The following HS3ST4 variants were observed in gnomAD, a reference collection of about 807,000 sequenced individuals.
HS3ST4 encodes the protein heparan sulfate-glucosamine 3-sulfotransferase 4, also known as heparan sulfate glucosamine 3-O-sulfotransferase 4.
Under a neutral mutation model 29.2 loss-of-function variants are expected in HS3ST4, and 17 were observed. The observed-to-expected ratio is 0.58, with a 90% CI of 0.40 to 0.87. The LOEUF (loss-of-function observed/expected upper bound fraction) is 0.87, where lower values mean the gene tolerates loss of function less well. Ranked by LOEUF, HS3ST4 falls within the 40% of genes least tolerant of loss-of-function variation. The pLI is 0.00. For missense variants in HS3ST4, 627 were observed against 634.5 expected (o/e 0.99, Z 0.13); for synonymous variants, 314 against 285.7 (o/e 1.10, Z -1.00).
Position 26,135,883 on chromosome 16 carries a change from T to A in HS3ST4, c.1006T>A (p.Tyr336Asn). Residue 336 changes from tyrosine (Y) to asparagine (N), a missense_variant, in exon 2 of 2, where the codon TAT (tyrosine) becomes AAT (asparagine). Physicochemically the swap from Tyr to Asn is moderately radical, Grantham distance 143. This residue lies in a region of HS3ST4 where 225 missense variants were observed against 293.7 expected (regional missense o/e 0.77). Coordinates refer to ENST00000331351, the MANE Select transcript of HS3ST4 (RefSeq NM_006040.3). ...CTGGAGTGCCATTCGAATAGGGATC[T>A]ATGCGCTGCATCTGGAAAACTGGCT... ...ASWSAIRIGI[Y>N]ALHLENWLQY... The A allele has an allele frequency of 6.2e-7, 1 of 1,614,026 alleles. No individual in the cohort carries two copies. The highest frequency in any genetic ancestry group is 8.5e-7 in the Non-Finnish European group (1 of 1,179,876).
At chr16:25,761,663 CA>C (rs1482168676) in intron 1 of HS3ST4, among the ~76,000 whole-genome samples, 2 of 152,296 alleles carry the variant, frequency 1.3e-5, no homozygotes, top group African/African-American at 2.4e-5. Flanking sequence ...CCCTTCTAAA[CA>C]AAAGGCAGAG....
In HS3ST4 at chr16:26,120,716, G is replaced by A. The variant is rs185829449; in HGVS notation, c.735-14896G>A. On this transcript the variant is annotated intron_variant, in intron 1 of 1. Transcript: ENST00000331351. Reference sequence around the variant, plus strand: ...GCCAGGCATGATTGACCCCAGCAACGCTTTCACCAATAAAATATCAAGTGC... The same window carrying A: ...GCCAGGCATGATTGACCCCAGCAACACTTTCACCAATAAAATATCAAGTGC... 9.2e-5 allele frequency among the ~76,000 whole-genome samples: 14 copies of A among 152,298 alleles called. No individual in the cohort carries two copies. The East Asian group carries it at 2.3e-3, about 25-fold the overall frequency.
At chr16:26,102,309 C>T (rs1596681650) in intron 1 of HS3ST4, among the ~76,000 whole-genome samples, 1 of 152,122 alleles carries the variant, frequency 6.6e-6, no homozygotes, top group Non-Finnish European at 1.5e-5. Context: ...AACATTTTCA[C>T]CCATGATCCC....
intron 1 of HS3ST4, among the ~76,000 whole-genome samples, chr16:25,991,420 T>C (rs768130087): frequency 3.9e-5 from 6 of 152,224 alleles, no homozygotes; most frequent in Non-Finnish European, 7.3e-5. Context: ...CTCATCGTGA[T>C]TGTGAGCCAA....
chr16:25,960,998 C>A (rs1423890292), intron 1 of HS3ST4, among the ~76,000 whole-genome samples: 1 of 152,112 alleles, frequency 6.6e-6, no homozygotes, highest in Non-Finnish European at 1.5e-5. Flanking sequence ...CTCCTCATTC[C>A]CACTCCTACC....
At chr16:25,883,031 CCT>C (rs1967909938) in intron 1 of HS3ST4, among the ~76,000 whole-genome samples, 1 of 152,118 alleles carries the variant, frequency 6.6e-6, no homozygotes, top group South Asian at 2.1e-4. Context: ...CCTTTACCCT[CCT>C]CTCTGTATTT....
chr16:25,709,702 GAGA>G (rs1054881042), intron 1 of HS3ST4, among the ~76,000 whole-genome samples: 14 of 151,868 alleles, frequency 9.2e-5, no homozygotes, highest in Non-Finnish European at 1.6e-4. Context: ...ATGGAAGGAA[GAGA>G]AGAAGAGAGA....
chr16:25,810,672 C>G (rs563908008), intron 1 of HS3ST4, among the ~76,000 whole-genome samples: 1 of 152,292 alleles, frequency 6.6e-6, no homozygotes, highest in South Asian at 2.1e-4. Flanking sequence ...ATTGCTAATG[C>G]AGTGCCTAGC....
chr16:26,034,612 T>C (rs1041552573), intron 1 of HS3ST4, among the ~76,000 whole-genome samples: 8 of 151,546 alleles, frequency 5.3e-5, no homozygotes, highest in African/African-American at 1.9e-4. Context: ...AGTTCATCCA[T>C]TTCTGTGCTA....
chr16:25,828,262 T>TTCTCTCTCTCTC (rs1967246909), intron 1 of HS3ST4, among the ~76,000 whole-genome samples: 2 of 87,832 alleles, frequency 2.3e-5, no homozygotes, highest in African/African-American at 9.3e-5. Flanking sequence ...CTTTCTTTCT[T>TTCTCTCTCTCTC]TCTTTCTTTC....
chr16:25,717,419 G>T (rs1361797348), intron 1 of HS3ST4, among the ~76,000 whole-genome samples: 1 of 152,052 alleles, frequency 6.6e-6, no homozygotes, highest in African/African-American at 2.4e-5. Context: ...AGCATATTTA[G>T]TGAGAGATCT....
intron 1 of HS3ST4, among the ~76,000 whole-genome samples, chr16:25,859,293 A>T (rs888242735): frequency 6.6e-6 from 1 of 152,204 alleles, no homozygotes. Context: ...CACACACTAC[A>T]TCAGGCTATT....
intron 1 of HS3ST4, among the ~76,000 whole-genome samples, chr16:26,074,500 C>T (rs1898637136): frequency 6.6e-6 from 1 of 152,130 alleles, no homozygotes; most frequent in Admixed American, 6.5e-5. Context: ...GTTCGAATGT[C>T]GCTGTGATGT....
At chr16:25,979,545 G>T (rs1968981741) in intron 1 of HS3ST4, among the ~76,000 whole-genome samples, 1 of 152,200 alleles carries the variant, frequency 6.6e-6, no homozygotes, top group Non-Finnish European at 1.5e-5. Context: ...GATGCCCCAT[G>T]ATCTGTCACT....
At chr16:25,939,846 C>T (rs1386615892) in intron 1 of HS3ST4, among the ~76,000 whole-genome samples, 1 of 152,142 alleles carries the variant, frequency 6.6e-6, no homozygotes, top group East Asian at 1.9e-4. Flanking sequence ...ATGAAGGGAG[C>T]TATGGCCCCA....
At chr16:25,971,267 A>G (rs56077551) in intron 1 of HS3ST4, among the ~76,000 whole-genome samples, 13,371 of 152,284 alleles carry the variant, frequency 0.088, 774 homozygotes, top group Non-Finnish European at 0.12. Context: ...TAAAGAAAAC[A>G]GTCACCTGCA....
intron 1 of HS3ST4, among the ~76,000 whole-genome samples, chr16:25,809,117 G>A (rs541925338): frequency 2.6e-5 from 4 of 152,008 alleles, no homozygotes; most frequent in Admixed American, 6.5e-5. Flanking sequence ...TGCCTACAAC[G>A]TCTAGTACTA....
chr16:25,828,204 TCTTG>T (rs1191029082), intron 1 of HS3ST4, among the ~76,000 whole-genome samples: 2 of 149,536 alleles, frequency 1.3e-5, no homozygotes, highest in African/African-American at 5.0e-5. Flanking sequence ...TTTCTTTCTT[TCTTG>T]CTTGCTTTCT....
intron 1 of HS3ST4, among the ~76,000 whole-genome samples, chr16:25,971,753 G>A (rs549619798): frequency 5.3e-5 from 8 of 152,152 alleles, no homozygotes; most frequent in South Asian, 2.1e-4. Flanking sequence ...GTGAAACCCC[G>A]TCTCTACTAA....
Sources: gnomAD v4.1 joint callset for allele counts (sites outside exome capture counted in the v4.1 genomes callset) on GRCh38, gnomAD v4.1.1 for gene constraint, gnomAD v4.1.1 regional missense constraint, MANE v1.5 for transcripts, NCBI Gene and HGNC (gene_info 2026-07-23, HGNC 2026-07-21) for gene names.